Variants in NFU1 observed in about 807,000 individuals in gnomAD.
The protein encoded by NFU1 is NFU1 iron-sulfur cluster scaffold homolog, mitochondrial.
NFU1 carries 30 observed loss-of-function variants against 32.2 expected under a neutral mutation model. The observed-to-expected ratio is 0.93, with a 90% CI of 0.70 to 1.26. The LOEUF (loss-of-function observed/expected upper bound fraction) is 1.26, where lower values mean the gene tolerates loss of function less well. NFU1 is among the 50% of genes most tolerant of loss of function. The pLI is 0.00. For synonymous variants in NFU1, 112 were observed against 104.6 expected (o/e 1.07, Z -0.43); for missense variants, 306 against 306.6 (o/e 1.00, Z 0.02).
chr2:69,406,460 G>A (rs978425729), intron 5 of NFU1, among the ~76,000 whole-genome samples: 1 of 152,158 alleles, frequency 6.6e-6, no homozygotes, highest in Non-Finnish European at 1.5e-5. Context: ...AGACAAAAAG[G>A]CACACCTACT....
At chr2:69,422,635 T>C (rs1442212892) in intron 3 of NFU1, among the ~76,000 whole-genome samples, 2 of 152,124 alleles carry the variant, frequency 1.3e-5, no homozygotes, top group Admixed American at 6.6e-5. Flanking sequence ...AGTAAAAATA[T>C]AAGTTTTTAT....
At chr2:69,397,168 A>G (rs1672366666) in intron 7 of NFU1, among the ~76,000 whole-genome samples, 1 of 152,158 alleles carries the variant, frequency 6.6e-6, no homozygotes, top group Non-Finnish European at 1.5e-5. Context: ...TTACTTAAAT[A>G]TATTCTGTGA....
chr2:69,425,657 A>AT (rs879357599), intron 2 of NFU1, among the ~76,000 whole-genome samples: 34 of 143,082 alleles, frequency 2.4e-4, no homozygotes, highest in South Asian at 6.7e-4. Context: ...GCCCGGCCTA[A>AT]TTTTTTTTTT....
intron 2 of NFU1, among the ~76,000 whole-genome samples, chr2:69,427,679 CAAAAAAAA>C: frequency 1.6e-5 from 1 of 61,700 alleles, no homozygotes; most frequent in East Asian, 5.5e-4. Flanking sequence ...CACTCAGTCT[CAAAAAAAA>C]AAAAAAAAAA....
Position 69,431,924 on chromosome 2 carries a change from T to C in NFU1, c.144A>G (p.Leu48=). The part of the protein sequence containing the change: ...HQFVQRPLFP[L]PAAFYHPVRY... ...TACCTGGGTGATAAAAGGCTGCAGG[T>C]AGTGGGAAAAGTGGTCTTTGTACAA... The change falls in exon 2 of 8, where the codon CTA becomes CTG. Residue 48 remains leucine (L), a synonymous_variant. Coordinates refer to ENST00000410022, the MANE Select transcript of NFU1 (RefSeq NM_001002755.4). 6.2e-7 allele frequency: 1 copy of C among 1,612,846 alleles called. No individual in the cohort carries two copies. The highest frequency in any genetic ancestry group is 8.5e-7 in the Non-Finnish European group (1 of 1,178,902).
chr2:69,420,890 C>G lies in NFU1; in HGVS notation c.303-1286G>C, dbSNP rs890850307. Among the ~76,000 whole-genome samples the G allele has an allele frequency of 3.9e-5, 6 of 152,250 alleles. No homozygotes were observed. In the East Asian group the frequency reaches 9.6e-4, roughly 24 times the overall value. On this transcript the variant is annotated intron_variant, in intron 3 of 7. Coordinates refer to ENST00000410022, the MANE Select transcript of NFU1 (RefSeq NM_001002755.4). ...CATTTGTATCTCACGCATACACACACATAATGTAAAACACTTTTTACTGTG... is the reference window on the plus strand; with the variant it reads ...CATTTGTATCTCACGCATACACACAGATAATGTAAAACACTTTTTACTGTG...
intron 2 of NFU1, 39 bp downstream of exon 2, chr2:69,431,863 T>A (rs1402789642): frequency 8.1e-7 from 1 of 1,236,418 alleles, no homozygotes; most frequent in East Asian, 2.3e-5. Context: ...TTCCATCAGT[T>A]TCTGAAACAC....
chr2:69,415,173 A>G lies in NFU1; in HGVS notation c.484+12T>C, dbSNP rs202151809. ...AAAGGACAAATTTTAATTACTCAATACAACATGTTACCTGCTTCTCCTGAA... is the reference window on the plus strand; with the variant it reads ...AAAGGACAAATTTTAATTACTCAATGCAACATGTTACCTGCTTCTCCTGAA... On this transcript the variant is annotated intron_variant, in intron 5 of 7. Coordinates refer to ENST00000410022, the MANE Select transcript of NFU1 (RefSeq NM_001002755.4). 2 of 1,452,228 alleles carry G rather than the reference A, an allele frequency of 1.4e-6. No homozygotes were observed. Among genetic ancestry groups the G allele is most frequent in the South Asian group, 1.1e-5 (1 of 87,586 alleles). The allele number at this position is 1,452,228 out of a possible 1,614,324, so 90.0% of individuals were successfully genotyped here. A position where few individuals can be genotyped will look rare whatever the true frequency, so the allele number is the denominator to read the frequency against.
rs541901991 is a variant in NFU1 at position 69,397,626 on chromosome 2, A to AAAC, written c.721-1337_721-1336insGTT. On this transcript the variant is annotated intron_variant, in intron 7 of 7. Transcript: ENST00000410022. ...AGTAAGGTTTTTTTTTTTAAAAAAA[A>AAAC]TCTAGGCCAGGCACAGTGGCTCATG... Among the ~76,000 whole-genome samples the AAAC allele has an allele frequency of 4.4e-4, 67 of 151,412 alleles. No individual in the cohort carries two copies. In the South Asian group the frequency reaches 0.014, roughly 31 times the overall value.
At chr2:69,428,312 C>G (rs913748429) in intron 2 of NFU1, among the ~76,000 whole-genome samples, 2 of 152,002 alleles carry the variant, frequency 1.3e-5, no homozygotes, top group African/African-American at 4.8e-5. Context: ...GTAATCCCAG[C>G]TACCTAGAAG....
At chr2:69,438,664 CTGT>C (rs1377704536), upstream of NFU1, among the ~76,000 whole-genome samples, 3 of 152,124 alleles carry the variant, frequency 2.0e-5, no homozygotes, top group Non-Finnish European at 4.4e-5. Context: ...AACAGCACAC[CTGT>C]TGTTGAACAG....
intron 1 of NFU1, among the ~76,000 whole-genome samples, chr2:69,436,612 T>G (rs1673846115): frequency 6.6e-6 from 1 of 152,174 alleles, no homozygotes; most frequent in Non-Finnish European, 1.5e-5. Flanking sequence ...TTAAATCTTT[T>G]TAGGATATAC....
At chr2:69,426,208 G>A (rs763659605) in intron 2 of NFU1, among the ~76,000 whole-genome samples, 2 of 152,126 alleles carry the variant, frequency 1.3e-5, no homozygotes, top group Non-Finnish European at 2.9e-5. Flanking sequence ...CTGGCCTCAG[G>A]CGATCCATCC....
intron 1 of NFU1, among the ~76,000 whole-genome samples, chr2:69,435,963 C>T (rs1042195034): frequency 2.0e-5 from 3 of 149,752 alleles, no homozygotes; most frequent in African/African-American, 7.4e-5. Context: ...AGACTGGTCT[C>T]GAACTCCTGA....
intron 5 of NFU1, among the ~76,000 whole-genome samples, chr2:69,407,754 T>C (rs1360928547): frequency 2.0e-5 from 3 of 150,308 alleles, no homozygotes; most frequent in African/African-American, 7.3e-5. Context: ...TGGTTCCCCC[T>C]ATAACCCTAG....
chr2:69,422,866 C>A (rs930738250), intron 3 of NFU1, among the ~76,000 whole-genome samples: 1 of 152,082 alleles, frequency 6.6e-6, no homozygotes, highest in African/African-American at 2.4e-5. Context: ...CAGACACATA[C>A]CACCACACTT....
intron 6 of NFU1, among the ~76,000 whole-genome samples, chr2:69,402,187 G>A (rs1313156652): frequency 4.6e-5 from 7 of 152,120 alleles, no homozygotes; most frequent in Non-Finnish European, 7.4e-5. Flanking sequence ...CAGCCACTGC[G>A]CCCAGCCACT....
chr2:69,428,049 A>C (rs1457683884), intron 2 of NFU1, among the ~76,000 whole-genome samples: 1 of 152,104 alleles, frequency 6.6e-6, no homozygotes, highest in Non-Finnish European at 1.5e-5. Flanking sequence ...AAAGAAAATG[A>C]ACCTTCTGAG....
chr2:69,437,249 C>T, intron 1 of NFU1, 112 bp downstream of exon 1: 2 of 1,503,294 alleles, frequency 1.3e-6, no homozygotes, highest in Non-Finnish European at 1.8e-6. Context: ...GACCCGCCGG[C>T]TCCATCAGAT....
Sources: allele counts gnomAD v4.1 joint callset (sites outside exome capture counted in the v4.1 genomes callset), GRCh38; gene constraint gnomAD v4.1.1; transcripts MANE v1.5; gene names NCBI Gene and HGNC (gene_info 2026-07-23, HGNC 2026-07-21).